NMU: variants seen among roughly 807,000 people sequenced by gnomAD.
NMU encodes the protein neuromedin-U.
A neutral mutation model predicts 35.4 loss-of-function variants in NMU; 29 were observed. That is an observed-to-expected ratio of 0.82 (90% confidence interval 0.61 to 1.12). The LOEUF (loss-of-function observed/expected upper bound fraction) is 1.12. Among genes scored for constraint, NMU ranks in the 50% most tolerant of loss-of-function variants. NMU has a pLI of 0.00. For missense variants in NMU, 199 were observed against 206.2 expected (o/e 0.97, Z 0.21); for synonymous variants, 78 against 81.3 (o/e 0.96, Z 0.22).
rs114876635 is a variant in NMU at position 55,599,252 on chromosome 4, G to A, written c.490-71C>T. On this transcript the variant is annotated intron_variant, in intron 8 of 9. Coordinates refer to ENST00000264218, the MANE Select transcript of NMU (RefSeq NM_006681.4). The stretch of plus-strand genomic sequence containing the variant: ...AAGCTAACAGTCATAGAAACAGATT[G>A]ATGATTTAGAGGAGTGTTTAACGTG... The A allele has an allele frequency of 5.2e-3, 6,135 of 1,185,650 alleles. 207 individuals carry two copies. In the African/African-American group the frequency reaches 0.077, roughly 15 times the overall value. 73.4% of individuals were successfully genotyped at this position (1,185,650 alleles called of 1,614,324 possible).
intron 2 of NMU, among the ~76,000 whole-genome samples, chr4:55,616,834 T>C (rs1384332490): frequency 6.6e-6 from 1 of 152,188 alleles, no homozygotes; most frequent in Non-Finnish European, 1.5e-5. Context: ...AGAAAAATTG[T>C]TCATACAACA....
chr4:55,606,410 T>C (rs1733685015), intron 6 of NMU, among the ~76,000 whole-genome samples: 1 of 152,222 alleles, frequency 6.6e-6, no homozygotes, highest in Non-Finnish European at 1.5e-5. Context: ...ATTCAAATTA[T>C]TGGTTTTTGG....
In NMU at chr4:55,636,284, C is replaced by G; in HGVS notation, c.-92G>C. The G allele has an allele frequency of 7.2e-7, 1 of 1,396,782 alleles. No individual in the cohort carries two copies. Among genetic ancestry groups the G allele is most frequent in the African/African-American group, 1.5e-5 (1 of 65,324 alleles). The allele number at this position is 1,396,782 out of a possible 1,614,324, so 86.5% of individuals were successfully genotyped here. On this transcript the variant is annotated 5_prime_UTR_variant, in exon 1 of 10. Transcript: ENST00000264218. The surrounding 1 kb of genome is among the most constrained non-coding windows in gnomAD (Gnocchi z 4.0). ...CTGGTGCCCTGGCTGTGCCTCGGGG[C>G]CCGGACACAGGACTGAGCGCCCGGC...
At chr4:55,613,652 G>T (rs775771704) in intron 3 of NMU, among the ~76,000 whole-genome samples, 2 of 152,098 alleles carry the variant, frequency 1.3e-5, no homozygotes, top group Non-Finnish European at 2.9e-5. Context: ...CCCTAACGCA[G>T]ACACTGAGTG....
At position 55,603,925 on chromosome 4, in the gene NMU, A is replaced by AT. The variant is rs1560513341; in HGVS notation, c.435+1349_435+1350insA. On this transcript the variant is annotated intron_variant, in intron 7 of 9. Transcript: ENST00000264218. Reference sequence around the variant, plus strand: ...AGAGTCCGTCTCAAAAAAAAAAAAAAAATATATATATATATATATATGTAT... The same window carrying AT: ...AGAGTCCGTCTCAAAAAAAAAAAAAATAATATATATATATATATATATGTAT... 4.3e-5 allele frequency among the ~76,000 whole-genome samples: 3 copies of AT among 70,576 alleles called. 1 individual carries two copies. The highest frequency in any genetic ancestry group is 6.6e-5 in the African/African-American group (1 of 15,112). The allele number at this position is 70,576 out of a possible 152,430, so 46.3% of individuals were successfully genotyped here.
At chr4:55,600,060 G>A (rs1733361119) in intron 8 of NMU, among the ~76,000 whole-genome samples, 1 of 152,144 alleles carries the variant, frequency 6.6e-6, no homozygotes, top group South Asian at 2.1e-4. Flanking sequence ...TATAGACAAT[G>A]TGGACAAACA....
At chr4:55,608,471 T>A (rs1436874402) in intron 4 of NMU, among the ~76,000 whole-genome samples, 1 of 152,160 alleles carries the variant, frequency 6.6e-6, no homozygotes, top group Admixed American at 6.5e-5. Flanking sequence ...AGTGTACCAA[T>A]CACCACAGAT....
chr4:55,633,625 A>G (rs1203662801), intron 1 of NMU, among the ~76,000 whole-genome samples: 1 of 152,252 alleles, frequency 6.6e-6, no homozygotes, highest in Non-Finnish European at 1.5e-5. Flanking sequence ...CTTACACAGT[A>G]TACGCTGGAA....
intron 7 of NMU, among the ~76,000 whole-genome samples, chr4:55,605,023 C>G (rs1733620787): frequency 6.6e-6 from 1 of 152,082 alleles, no homozygotes; most frequent in African/African-American, 2.4e-5. Context: ...TTTTGGAAAA[C>G]AGTATAATTC....
chr4:55,595,614 T>C (rs1733142817), intron 9 of NMU, among the ~76,000 whole-genome samples: 1 of 63,404 alleles, frequency 1.6e-5, no homozygotes, highest in African/African-American at 5.5e-5. Context: ...TATATATATG[T>C]GTGTGTGTGT....
chr4:55,595,643 A>AT (rs1211166376), intron 9 of NMU, among the ~76,000 whole-genome samples: 703 of 66,366 alleles, frequency 0.011, 13 homozygotes, highest in Admixed American at 0.043. Context: ...ATATATATAT[A>AT]TTTTTTTTTT....
At chr4:55,615,223 C>T (rs750284448) in intron 3 of NMU, among the ~76,000 whole-genome samples, 3 of 152,204 alleles carry the variant, frequency 2.0e-5, no homozygotes, top group East Asian at 1.9e-4. Flanking sequence ...TTTCCAAAAC[C>T]TCCTCTTAAT....
At chr4:55,608,560 C>G (rs983385338) in intron 4 of NMU, among the ~76,000 whole-genome samples, 3 of 152,240 alleles carry the variant, frequency 2.0e-5, no homozygotes, top group Non-Finnish European at 4.4e-5. Context: ...AAAATAAGTT[C>G]ATCCATAAGA....
intron 9 of NMU, among the ~76,000 whole-genome samples, chr4:55,595,813 G>A (rs559537489): frequency 2.6e-5 from 4 of 151,542 alleles, no homozygotes; most frequent in African/African-American, 9.7e-5. Context: ...GCTAATTTTT[G>A]TATTTTTAGT....
intron 6 of NMU, among the ~76,000 whole-genome samples, chr4:55,605,556 C>G (rs17085942): frequency 2.3e-4 from 35 of 152,162 alleles, no homozygotes; most frequent in Admixed American, 9.2e-4. Context: ...TTTGGTAGCT[C>G]TACGCTGGGA....
In NMU at chr4:55,636,181, T is replaced by A; in HGVS notation, c.12A>T (p.Thr4=). The A allele has an allele frequency of 6.7e-7, 1 of 1,500,228 alleles. No individual in the cohort carries two copies. The highest frequency in any genetic ancestry group is 8.8e-7 in the Non-Finnish European group (1 of 1,132,870). The allele number at this position is 1,500,228 out of a possible 1,614,324, so 92.9% of individuals were successfully genotyped here. A position where few individuals can be genotyped will look rare whatever the true frequency, so the allele number is the denominator to read the frequency against. The change falls in exon 1 of 10, where the codon ACA becomes ACT. Residue 4 remains threonine, a synonymous_variant. Transcript: ENST00000264218. The surrounding 1 kb of genome is among the most constrained non-coding windows in gnomAD (Gnocchi z 4.0). Reference sequence around the variant, plus strand: ...CGGGCGACCTGGGGCGGCAGCTCTCTGTTCGCAGCATCTCGGCGGCTGCGG... The same window carrying A: ...CGGGCGACCTGGGGCGGCAGCTCTCAGTTCGCAGCATCTCGGCGGCTGCGG... MLR[T]ESCRPRSPAG...
chr4:55,611,697 C>T (rs1733938335), intron 3 of NMU, among the ~76,000 whole-genome samples: 1 of 152,112 alleles, frequency 6.6e-6, no homozygotes, highest in Non-Finnish European at 1.5e-5. Flanking sequence ...TACAACTGCC[C>T]ACAATATTCA....
Position 55,636,143 on chromosome 4 carries a change from G to T in NMU, c.50C>A (p.Ala17Asp). The T allele has an allele frequency of 6.6e-7, 1 of 1,521,628 alleles. No homozygotes were observed. The highest frequency in any genetic ancestry group is 8.8e-7 in the Non-Finnish European group (1 of 1,141,134). 94.3% of individuals were successfully genotyped at this position (1,521,628 alleles called of 1,614,324 possible). Residue 17 changes from alanine to aspartate, a missense_variant, in exon 1 of 10, where the codon GCC becomes GAC. Ala to Asp is a moderately radical substitution (Grantham distance 126, BLOSUM62 -2). Transcript: ENST00000264218. The surrounding 1 kb of genome is among the most constrained non-coding windows in gnomAD (Gnocchi z 4.0). The part of the protein sequence containing the change: ...CRPRSPAGQV[A>D]AASPLLLLLL... ...CAGCAGCAGGAGCGGGGACGCCGCG[G>T]CCACCTGTCCGGCGGGCGACCTGGG...
At chr4:55,609,078 G>T in intron 4 of NMU, 42 bp downstream of exon 4, 1 of 1,532,786 alleles carries the variant, frequency 6.5e-7, no homozygotes, top group Non-Finnish European at 9.0e-7. Context: ...AGAAATTTTT[G>T]GATAATTTTT....
Sources: allele counts gnomAD v4.1 joint callset (sites outside exome capture counted in the v4.1 genomes callset), GRCh38; gene constraint gnomAD v4.1.1; non-coding constraint Gnocchi (gnomAD v3.1); transcripts MANE v1.5; gene names NCBI Gene and HGNC (gene_info 2026-07-23, HGNC 2026-07-21).